Variants in MTMR9 observed in about 807,000 individuals in gnomAD.
MTMR9 encodes the protein myotubularin related protein 9.
A neutral mutation model predicts 69.5 loss-of-function variants in MTMR9; 39 were observed. That is an observed-to-expected ratio of 0.56 (90% CI 0.43 to 0.73). The LOEUF (loss-of-function observed/expected upper bound fraction) is 0.73. MTMR9 is among the 30% of genes least tolerant of loss of function. The pLI is 0.00. For synonymous variants in MTMR9, 354 were observed against 240.8 expected (o/e 1.47, Z -4.35); for missense variants, 900 against 671.2 (o/e 1.34, Z -3.77).
Position 11,323,804 on chromosome 8 carries a change from A to G in MTMR9, c.*1016A>G, listed in dbSNP as rs1016860167. Reference sequence around the variant, plus strand: ...TTCATGTTGACCTGAGCCTTTTGCAAATTTGCTTTGGCTCTATTGATTTGT... The same window carrying G: ...TTCATGTTGACCTGAGCCTTTTGCAGATTTGCTTTGGCTCTATTGATTTGT... On this transcript the variant is annotated 3_prime_UTR_variant, in exon 10 of 10. Transcript: ENST00000221086. 1 of 152,148 alleles carries G rather than the reference A, an allele frequency of 6.6e-6. No individual in the cohort carries two copies. The allele number at this position is 152,148 out of a possible 1,614,324, so 9.4% of individuals were successfully genotyped here.
intron 2 of MTMR9, among the ~76,000 whole-genome samples, chr8:11,296,491 C>G (rs1381415858): frequency 6.6e-6 from 1 of 152,168 alleles, no homozygotes; most frequent in East Asian, 1.9e-4. Flanking sequence ...ATCTCCAGGA[C>G]TTTTTCATCT....
chr8:11,311,395 C>T (rs984258801), intron 6 of MTMR9, among the ~76,000 whole-genome samples: 1 of 152,156 alleles, frequency 6.6e-6, no homozygotes, highest in African/African-American at 2.4e-5. Context: ...CACAGGCACA[C>T]CTTAGAGATG....
At chr8:11,330,566 G>C (rs914265013), downstream of MTMR9, among the ~76,000 whole-genome samples, 2 of 152,236 alleles carry the variant, frequency 1.3e-5, no homozygotes, top group Admixed American at 6.5e-5. Context: ...ATTTTGTTCT[G>C]TACTGGGAGG....
rs142124828 is a variant in MTMR9, at chr8:11,307,604, T to G, written c.809+1197T>G. 2.7e-3 allele frequency among the ~76,000 whole-genome samples: 410 copies of G among 152,360 alleles called. 1 individual carries two copies. The highest frequency in any genetic ancestry group is 9.4e-3 in the African/African-American group (389 of 41,584). ...GATCTTATTGCAGTTTCATCTTTAATGTTTTGAGGAGCCTCCATACTGTTT... is the reference window on the plus strand; with the variant it reads ...GATCTTATTGCAGTTTCATCTTTAAGGTTTTGAGGAGCCTCCATACTGTTT... On this transcript the variant is annotated intron_variant, in intron 5 of 9. Transcript: ENST00000221086.
chr8:11,290,805 T>G (rs757411762), intron 1 of MTMR9, among the ~76,000 whole-genome samples: 14 of 151,934 alleles, frequency 9.2e-5, no homozygotes, highest in Non-Finnish European at 1.5e-4. Context: ...ATATTCTCTT[T>G]CCTTCTGTGG....
chr8:11,332,210 A>T (rs1801265047), downstream of MTMR9: 2 of 1,497,818 alleles, frequency 1.3e-6, no homozygotes, highest in African/African-American at 1.4e-5. Flanking sequence ...AAGAAAAAAA[A>T]TAATTATAAT....
Position 11,322,756 on chromosome 8 carries a change from G to C in MTMR9, c.1618G>C (p.Glu540Gln). 3 of 1,614,050 alleles carry C rather than the reference G, an allele frequency of 1.9e-6. No homozygotes were observed. Among genetic ancestry groups the C allele is most frequent in the Non-Finnish European group, 2.5e-6 (3 of 1,179,976 alleles). Residue 540 changes from glutamate (E) to glutamine (Q), a missense_variant, in exon 10 of 10, where the codon GAA becomes CAA. By Grantham distance (29) the Glu-to-Gln change is conservative. Coordinates refer to ENST00000221086, the MANE Select transcript of MTMR9 (RefSeq NM_015458.4). Reference sequence around the variant, plus strand: ...CCTTCGAAGGCAGTTGGCAGAACTGGAAACAGAGGACGGGATGCAGGAGAG... The same window carrying C: ...CCTTCGAAGGCAGTTGGCAGAACTGCAAACAGAGGACGGGATGCAGGAGAG... ...NILRRQLAELETEDGMQESP is the reference protein window; with the variant it reads ...NILRRQLAELQTEDGMQESP
Position 11,304,825 on chromosome 8 carries a change from A to G in MTMR9, c.418-16A>G. On this transcript the variant is annotated splice_polypyrimidine_tract_variant and intron_variant, in intron 3 of 9. Transcript: ENST00000221086. ...TGAGATAGTTGCTTAGCTTTGAAGT[A>G]TTTTGTGTTTTTCAGACCAGTGAAT... 3 of 1,610,968 alleles carry G rather than the reference A, an allele frequency of 1.9e-6. No individual in the cohort carries two copies. The highest frequency in any genetic ancestry group is 8.5e-7 in the Non-Finnish European group (1 of 1,178,314).
At position 11,319,790 on chromosome 8, in the gene MTMR9, C is replaced by T. The variant is rs370159796; in HGVS notation, c.1438C>T (p.Leu480Phe). ...FTNPLFEANNLVIWPSVAPQS... is the reference protein window; with the variant it reads ...FTNPLFEANNFVIWPSVAPQS... The stretch of plus-strand genomic sequence containing the variant: ...CAATCCCCTCTTTGAAGCCAACAAC[C>T]TTGTCATCTGGCCTTCAGTTGCTCC... The change falls in exon 9 of 10, where the codon CTT becomes TTT. Residue 480 changes from leucine (L) to phenylalanine (F), a missense_variant. Leu to Phe is a conservative substitution (Grantham distance 22). Coordinates refer to ENST00000221086, the MANE Select transcript of MTMR9 (RefSeq NM_015458.4). 1.2e-6 allele frequency: 2 copies of T among 1,614,162 alleles called. No homozygotes were observed. Among genetic ancestry groups the T allele is most frequent in the Non-Finnish European group, 8.5e-7 (1 of 1,180,008 alleles).
intron 8 of MTMR9, chr8:11,318,809 T>G (rs907251321): frequency 6.6e-6 from 1 of 152,242 alleles, no homozygotes; most frequent in South Asian, 2.1e-4. Context: ...TTTATGTACA[T>G]GTAAGTTATT....
chr8:11,290,683 G>A (rs947835347), intron 1 of MTMR9, among the ~76,000 whole-genome samples: 2 of 151,966 alleles, frequency 1.3e-5, no homozygotes, highest in South Asian at 2.1e-4. Context: ...ATCCCATCAC[G>A]TGACAACCCA....
At chr8:11,289,979 C>G (rs761800997) in intron 1 of MTMR9, among the ~76,000 whole-genome samples, 1 of 152,190 alleles carries the variant, frequency 6.6e-6, no homozygotes, top group Non-Finnish European at 1.5e-5. Flanking sequence ...TGCTCTGAGA[C>G]TGCCCCTAGG....
rs552886356 is a variant in MTMR9, at chr8:11,324,235, G to C, written c.*1447G>C. On this transcript the variant is annotated 3_prime_UTR_variant, in exon 10 of 10. Transcript: ENST00000221086. ...GACTAGCAAAATCTATGGCCACACT[G>C]AGAAGCCTTTGAAAATGGCAAATAC... The C allele has an allele frequency of 6.6e-6, 1 of 152,244 alleles. No individual in the cohort carries two copies. Among genetic ancestry groups the C allele is most frequent in the South Asian group, 2.1e-4 (1 of 4,814 alleles). 9.4% of individuals were successfully genotyped at this position (152,244 alleles called of 1,614,324 possible). A position where few individuals can be genotyped will look rare whatever the true frequency, so the allele number is the denominator to read the frequency against.
chr8:11,292,537 A>G (rs1014746433), intron 1 of MTMR9, among the ~76,000 whole-genome samples: 33 of 152,186 alleles, frequency 2.2e-4, no homozygotes, highest in Admixed American at 2.6e-4. Flanking sequence ...GGCAATTCCA[A>G]TAGATGTTAA....
At chr8:11,298,829 A>G (rs1324925795) in intron 2 of MTMR9, 2 of 980,380 alleles carry the variant, frequency 2.0e-6, no homozygotes, top group African/African-American at 3.6e-5. Context: ...CCTCCCATCT[A>G]CTCAGGTTTT....
chr8:11,313,501 G>T (rs889393346), intron 6 of MTMR9, among the ~76,000 whole-genome samples: 1 of 152,162 alleles, frequency 6.6e-6, no homozygotes, highest in African/African-American at 2.4e-5. Context: ...CTCAGCTTTC[G>T]ACGTGCCTTC....
At chr8:11,288,340 A>G (rs1286213500) in intron 1 of MTMR9, among the ~76,000 whole-genome samples, 3 of 140,252 alleles carry the variant, frequency 2.1e-5, no homozygotes, top group Non-Finnish European at 3.0e-5. Flanking sequence ...TAAATATATA[A>G]TATATTTATA....
At chr8:11,339,197 T>C in the MTMR9 span, among the ~76,000 whole-genome samples, 1 of 152,234 alleles carries the variant, frequency 6.6e-6, no homozygotes, top group African/African-American at 2.4e-5. Flanking sequence ...TGATCTATTA[T>C]AATCTTAATT....
chr8:11,292,230 C>A (rs1799400633), intron 1 of MTMR9, among the ~76,000 whole-genome samples: 1 of 152,094 alleles, frequency 6.6e-6, no homozygotes, highest in Admixed American at 6.6e-5. Context: ...CATTTATTCA[C>A]CTGGTGATGG....
Sources: gnomAD v4.1 joint callset for allele counts (sites outside exome capture counted in the v4.1 genomes callset) on GRCh38, gnomAD v4.1.1 for gene constraint, MANE v1.5 for transcripts, NCBI Gene and HGNC (gene_info 2026-07-23, HGNC 2026-07-21) for gene names.